Variants in CMYA5 observed in about 807,000 individuals in gnomAD.
CMYA5 encodes the protein cardiomyopathy-associated protein 5.
A neutral mutation model predicts 318.9 loss-of-function variants in CMYA5; 246 were observed. That is an observed-to-expected ratio of 0.77 (90% CI 0.70 to 0.86). The LOEUF is 0.86. Ranked by LOEUF, CMYA5 falls within the 40% of genes least tolerant of loss-of-function variation. The pLI is 0.00. For missense variants in CMYA5, 4,589 were observed against 4,678.2 expected, an observed-to-expected ratio of 0.98 and a Z score of 0.56; for synonymous variants, 1,641 against 1,729.5, an observed-to-expected ratio of 0.95 and a Z score of 1.27.
chr5:79,703,328 CATTAA>C (rs919885986), intron 1 of CMYA5, among the ~76,000 whole-genome samples: 3 of 152,138 alleles, frequency 2.0e-5, no homozygotes, highest in Admixed American at 2.0e-4. Context: ...AGTTTTCCCC[CATTAA>C]ATATCAGCTG....
chr5:79,775,852 AG>A (rs749706129), intron 9 of CMYA5, among the ~76,000 whole-genome samples: 2 of 152,152 alleles, frequency 1.3e-5, no homozygotes, highest in Non-Finnish European at 2.9e-5. Flanking sequence ...GTGACTGTGG[AG>A]GGGTAAAGGA....
intron 5 of CMYA5, among the ~76,000 whole-genome samples, chr5:79,748,567 G>T (rs548105957): frequency 6.6e-6 from 1 of 150,676 alleles, no homozygotes; most frequent in Non-Finnish European, 1.5e-5. Context: ...TTTTGAGCCA[G>T]GGTCTCACTC....
Position 79,734,179 on chromosome 5 carries a change from G to C in CMYA5, c.5414G>C (p.Ser1805Thr). Residue 1805 changes from serine (S) to threonine (T), a missense_variant, in exon 2 of 13, where the codon AGT becomes ACT. Physicochemically the swap from Ser to Thr is moderately conservative, Grantham distance 58 (BLOSUM62 1). Coordinates refer to ENST00000446378, the MANE Select transcript of CMYA5 (RefSeq NM_153610.5). ...GHPNSSQVLQ[S>T]ITEPSKIAPS... Reference sequence around the variant, plus strand: ...CCAAATTCATCCCAGGTACTCCAGAGTATAACAGAACCATCAAAGATTGCT... The same window carrying C: ...CCAAATTCATCCCAGGTACTCCAGACTATAACAGAACCATCAAAGATTGCT... 1 of 1,613,806 alleles carries C rather than the reference G, an allele frequency of 6.2e-7. No homozygotes were observed. Among genetic ancestry groups the C allele is most frequent in the Non-Finnish European group, 8.5e-7 (1 of 1,179,806 alleles).
intron 1 of CMYA5, among the ~76,000 whole-genome samples, chr5:79,702,513 T>C (rs776839003): frequency 1.7e-4 from 26 of 152,102 alleles, no homozygotes; most frequent in Non-Finnish European, 2.6e-4. Context: ...GGAAAACATA[T>C]TGTATGGTTT....
At chr5:79,766,025 G>A (rs1285034618) in intron 9 of CMYA5, among the ~76,000 whole-genome samples, 1 of 152,078 alleles carries the variant, frequency 6.6e-6, no homozygotes, top group Non-Finnish European at 1.5e-5. Context: ...CCAATACTAT[G>A]TTGAATAGGA....
chr5:79,775,961 G>C (rs1828932110), intron 9 of CMYA5, among the ~76,000 whole-genome samples: 1 of 152,172 alleles, frequency 6.6e-6, no homozygotes, highest in African/African-American at 2.4e-5. Context: ...GGTAACTATA[G>C]AGAAAACAAA....
At chr5:79,695,888 G>GT (rs1281576702) in intron 1 of CMYA5, among the ~76,000 whole-genome samples, 4 of 152,212 alleles carry the variant, frequency 2.6e-5, no homozygotes, top group African/African-American at 9.6e-5. Context: ...TATTCCTTTA[G>GT]TTCCTGGTTC....
At chr5:79,717,288 TAGAA>T (rs1162986596) in intron 1 of CMYA5, among the ~76,000 whole-genome samples, 1 of 152,210 alleles carries the variant, frequency 6.6e-6, no homozygotes, top group Non-Finnish European at 1.5e-5. Flanking sequence ...GTGAATGCTT[TAGAA>T]AGACTTTATA....
In CMYA5 at chr5:79,730,112, T is replaced by C; in HGVS notation, c.1347T>C (p.Asp449=). ...CAGGTCTGGCAGCATCTACCCAGGA[T>C]GGTTTGGACCCAGACCAAGAACAGC... ...ASPGLAASTQ[D]GLDPDQEQPD... Residue 449 remains aspartate, a synonymous_variant, in exon 2 of 13, where the codon GAT becomes GAC. Transcript: ENST00000446378. 1.2e-6 allele frequency: 2 copies of C among 1,613,816 alleles called. No individual in the cohort carries two copies. Among genetic ancestry groups the C allele is most frequent in the Non-Finnish European group, 8.5e-7 (1 of 1,179,886 alleles).
intron 1 of CMYA5, among the ~76,000 whole-genome samples, chr5:79,695,598 T>C (rs1172822737): frequency 2.0e-5 from 3 of 152,234 alleles, no homozygotes; most frequent in Non-Finnish European, 4.4e-5. Flanking sequence ...TTCATTGGAA[T>C]CTAGAGAACT....
intron 2 of CMYA5, 85 bp downstream of exon 2, chr5:79,739,488 T>C: frequency 9.6e-7 from 1 of 1,045,814 alleles, no homozygotes; most frequent in East Asian, 2.8e-5. Context: ...TTAAAGATGA[T>C]TAATATTTGA....
At position 79,796,854 on chromosome 5, in the gene CMYA5, C is replaced by CATTA. The variant is rs199700272; in HGVS notation, c.11964-2516_11964-2515insATTA. The stretch of plus-strand genomic sequence containing the variant: ...TCTTACATTTAAATAAACATGTCAA[C>CATTA]GTTACGGATCAATAAAATTTAAAAA... On this transcript the variant is annotated intron_variant, in intron 12 of 12. Coordinates refer to ENST00000446378, the MANE Select transcript of CMYA5 (RefSeq NM_153610.5). Among the ~76,000 whole-genome samples, 27 of 88,648 alleles carry CATTA rather than the reference C, an allele frequency of 3.0e-4. No homozygotes were observed. In the East Asian group the frequency reaches 0.01, roughly 33 times the overall value. 58.2% of individuals were successfully genotyped at this position (88,648 alleles called of 152,430 possible). A position where few individuals can be genotyped will look rare whatever the true frequency, so the allele number is the denominator to read the frequency against.
At chr5:79,771,581 AAC>A (rs1343044235) in intron 9 of CMYA5, among the ~76,000 whole-genome samples, 2 of 152,312 alleles carry the variant, frequency 1.3e-5, no homozygotes, top group African/African-American at 4.8e-5. Context: ...CTCACTAGGG[AAC>A]AGTGATGTCA....
At chr5:79,702,000 G>A (rs1005459451) in intron 1 of CMYA5, among the ~76,000 whole-genome samples, 6 of 152,060 alleles carry the variant, frequency 3.9e-5, no homozygotes, top group Admixed American at 1.3e-4. Context: ...GGTGGCGGGC[G>A]CCTGTAGGCA....
Position 79,758,781 on chromosome 5 carries a change from G to C in CMYA5, c.11139G>C (p.Gln3713His), listed in dbSNP as rs1198910898. ...AVPQPPRLEP[Q>H]EPNSATSTTI... ...CACAGCCTCCTAGATTAGAACCTCA[G>C]GAACCAAATTCTGCCACCAGCACAA... Residue 3713 changes from glutamine to histidine, a missense_variant, in exon 7 of 13, where the codon CAG becomes CAC. Gln to His is a conservative substitution (Grantham distance 24, BLOSUM62 0). Around this residue, in one of 3 missense-constraint regions of CMYA5, gnomAD observed 2,431 missense variants for 2,495.1 expected, o/e 0.97. Coordinates refer to ENST00000446378, the MANE Select transcript of CMYA5 (RefSeq NM_153610.5). 6.2e-7 allele frequency: 1 copy of C among 1,605,300 alleles called. No individual in the cohort carries two copies. The highest frequency in any genetic ancestry group is 1.3e-5 in the African/African-American group (1 of 74,628).
intron 1 of CMYA5, among the ~76,000 whole-genome samples, chr5:79,699,868 G>A (rs1000983586): frequency 6.6e-6 from 1 of 152,226 alleles, no homozygotes; most frequent in African/African-American, 2.4e-5. Flanking sequence ...GATAGAGTTA[G>A]GACCCCTAGT....
At chr5:79,768,658 G>T (rs1447227711) in intron 9 of CMYA5, among the ~76,000 whole-genome samples, 1 of 152,238 alleles carries the variant, frequency 6.6e-6, no homozygotes, top group African/African-American at 2.4e-5. Context: ...TCTGCAAAGA[G>T]ATCCGTTGTT....
chr5:79,747,110 A>C lies in CMYA5; in HGVS notation c.10988A>C (p.Glu3663Ala). 2 of 1,544,582 alleles carry C rather than the reference A, an allele frequency of 1.3e-6. No homozygotes were observed. The highest frequency in any genetic ancestry group is 1.8e-6 in the Non-Finnish European group (2 of 1,141,426). ...VFLTSFEEIN[E>A]RLLSAMESTA... ...CCTAAGTCGTTTGAGGAAATCAATG[A>C]AAGGTATATAAAACATGATACAATG... Residue 3663 changes from glutamate (E) to alanine (A), a missense_variant, in exon 5 of 13, where the codon GAA (glutamate) becomes GCA (alanine). Transcript: ENST00000446378.
Position 79,734,029 on chromosome 5 carries a change from T to A in CMYA5, c.5264T>A (p.Val1755Asp), listed in dbSNP as rs1466302983. Residue 1755 changes from valine (V) to aspartate (D), a missense_variant, in exon 2 of 13, where the codon GTT becomes GAT. Transcript: ENST00000446378. ...TFSLKGLSEE[V>D]SHPADFKKGG... ...TCTTTAAAAGGATTATCAGAGGAGG[T>A]TAGCCATCCAGCCGACTTTAAAAAG... The A allele has an allele frequency of 6.2e-7, 1 of 1,613,578 alleles. No homozygotes were observed. Among genetic ancestry groups the A allele is most frequent in the Non-Finnish European group, 8.5e-7 (1 of 1,179,820 alleles).
Sources: gnomAD v4.1 joint callset for allele counts (sites outside exome capture counted in the v4.1 genomes callset) on GRCh38, gnomAD v4.1.1 for gene constraint, gnomAD v4.1.1 regional missense constraint, MANE v1.5 for transcripts, NCBI Gene and HGNC (gene_info 2026-07-23, HGNC 2026-07-21) for gene names.